The following ASNS variants were observed in gnomAD, a reference collection of about 807,000 sequenced individuals.
ASNS encodes the protein asparagine synthetase (glutamine-hydrolyzing).
In ASNS, 37 loss-of-function variants were observed where a neutral mutation model predicts 62.6. The ratio of observed to expected loss-of-function variants is 0.59; its 90% confidence interval spans 0.45 to 0.78. ASNS has a LOEUF of 0.78. ASNS is among the 30% of genes least tolerant of loss of function. The pLI is 0.00. For synonymous variants in ASNS, 207 were observed against 237.9 expected (o/e 0.87, Z 1.19); for missense variants, 520 against 682.4 (o/e 0.76, Z 2.65).
chr7:97,921,704 C>T, the ASNS span, among the ~76,000 whole-genome samples: 1 of 152,192 alleles, frequency 6.6e-6, no homozygotes. Context: ...CAAGGCTGGG[C>T]TCTCCTCCAA....
chr7:97,914,293 G>A, the ASNS span, among the ~76,000 whole-genome samples: 1 of 152,012 alleles, frequency 6.6e-6, no homozygotes, highest in African/African-American at 2.4e-5. Context: ...ATTTCCTAGG[G>A]TGTGTCATCA....
chr7:97,860,964 A>C (rs1791683920), intron 4 of ASNS, among the ~76,000 whole-genome samples: 1 of 146,640 alleles, frequency 6.8e-6, no homozygotes, highest in Admixed American at 6.8e-5. Context: ...GCTTCTCGGG[A>C]TTTTATAGTT....
At chr7:97,891,287 C>A in the ASNS span, among the ~76,000 whole-genome samples, 1 of 152,182 alleles carries the variant, frequency 6.6e-6, no homozygotes, top group Non-Finnish European at 1.5e-5. Context: ...GAAAGACCTG[C>A]CCCCATGACT....
At chr7:97,874,159 C>T (rs2681164), upstream of ASNS, among the ~76,000 whole-genome samples, 1 of 152,118 alleles carries the variant, frequency 6.6e-6, no homozygotes, top group Non-Finnish European at 1.5e-5. Context: ...CCCCTAGGTG[C>T]GCATTCTCTT....
the ASNS span, among the ~76,000 whole-genome samples, chr7:97,927,922 C>T: frequency 4.6e-5 from 7 of 152,284 alleles, no homozygotes; most frequent in East Asian, 1.3e-3. Context: ...CAGCCCACGG[C>T]GAGGAGGGCT....
the ASNS span, among the ~76,000 whole-genome samples, chr7:97,921,944 T>A: frequency 6.6e-6 from 1 of 152,202 alleles, no homozygotes; most frequent in African/African-American, 2.4e-5. Flanking sequence ...CTATTCAGCC[T>A]TCAAAAAGAA....
chr7:97,870,456 G>C (rs1008041239), intron 1 of ASNS, among the ~76,000 whole-genome samples: 1 of 152,070 alleles, frequency 6.6e-6, no homozygotes, highest in African/African-American at 2.4e-5. Flanking sequence ...GCTATTCTTT[G>C]ATGATATTTC....
intron 6 of ASNS, 90 bp from the exon 7 acceptor site, chr7:97,858,495 AT>A: frequency 2.0e-6 from 3 of 1,490,812 alleles, no homozygotes; most frequent in Non-Finnish European, 2.7e-6. Context: ...AAACACCAAG[AT>A]CATAGTTTTA....
intron 8 of ASNS, 79 bp downstream of exon 8, chr7:97,856,611 T>C (rs1189713506): frequency 1.6e-6 from 2 of 1,277,548 alleles, no homozygotes; most frequent in Non-Finnish European, 2.1e-6. Context: ...AAACTATGGC[T>C]TGAAATAATT....
At chr7:97,911,606 C>T in the ASNS span, among the ~76,000 whole-genome samples, 1 of 151,958 alleles carries the variant, frequency 6.6e-6, no homozygotes, top group East Asian at 1.9e-4. Flanking sequence ...CACGCCACTG[C>T]ACTCCAGCCT....
chr7:97,888,590 A>T, the ASNS span, among the ~76,000 whole-genome samples: 1 of 152,140 alleles, frequency 6.6e-6, no homozygotes, highest in East Asian at 1.9e-4. Flanking sequence ...ATCTTTATGG[A>T]AAAAGTTTGC....
chr7:97,868,675 AAG>A (rs1792095733), intron 3 of ASNS, among the ~76,000 whole-genome samples: 2 of 152,322 alleles, frequency 1.3e-5, no homozygotes, highest in East Asian at 3.9e-4. Context: ...AAAAAATTCT[AAG>A]AGTCAATGAA....
intron 9 of ASNS, 124 bp downstream of exon 9, chr7:97,855,229 C>T: frequency 1.6e-6 from 1 of 643,938 alleles, no homozygotes; most frequent in Non-Finnish European, 2.6e-6. Flanking sequence ...TATCAGATTC[C>T]CTTTTGTAAC....
At chr7:97,853,871 C>G (rs183788400) in intron 10 of ASNS, among the ~76,000 whole-genome samples, 110 of 152,226 alleles carry the variant, frequency 7.2e-4, no homozygotes, top group African/African-American at 2.5e-3. Flanking sequence ...TCCAAATCAC[C>G]GGTTTCCTGA....
At chr7:97,895,802 T>C in the ASNS span, among the ~76,000 whole-genome samples, 2 of 151,814 alleles carry the variant, frequency 1.3e-5, no homozygotes, top group African/African-American at 4.8e-5. Flanking sequence ...AAATAAAAAA[T>C]AAAAAACATT....
At chr7:97,854,833 C>T in intron 9 of ASNS, 153 bp from the exon 10 acceptor site, 2 of 1,350,780 alleles carry the variant, frequency 1.5e-6, no homozygotes, top group South Asian at 1.4e-5. Flanking sequence ...CAATGCTTCA[C>T]AAAACATGCC....
chr7:97,885,176 G>A, the ASNS span, among the ~76,000 whole-genome samples: 1 of 152,252 alleles, frequency 6.6e-6, no homozygotes, highest in African/African-American at 2.4e-5. Flanking sequence ...CTTCCACTTA[G>A]CTTAATATTC....
the ASNS span, among the ~76,000 whole-genome samples, chr7:97,879,325 A>G: frequency 6.6e-6 from 1 of 152,254 alleles, no homozygotes; most frequent in Non-Finnish European, 1.5e-5. Flanking sequence ...GAGCTTCTGC[A>G]CAGCAAAAGA....
chr7:97,884,596 A>G, the ASNS span, among the ~76,000 whole-genome samples: 1 of 152,238 alleles, frequency 6.6e-6, no homozygotes, highest in Non-Finnish European at 1.5e-5. Context: ...AACCTCAGGG[A>G]CTTCACTACG....
Sources: allele counts gnomAD v4.1 joint callset (sites outside exome capture counted in the v4.1 genomes callset), GRCh38; gene constraint gnomAD v4.1.1; transcripts MANE v1.5; gene names NCBI Gene and HGNC (gene_info 2026-07-23, HGNC 2026-07-21).